FBXL20: variants seen among roughly 807,000 people sequenced by gnomAD.
FBXL20 encodes the protein F-box and leucine rich repeat protein 20, also known as F-box/LRR-repeat protein 20.
Under a neutral mutation model 64.0 loss-of-function variants are expected in FBXL20, and 11 were observed. The ratio of observed to expected loss-of-function variants is 0.17; its 90% CI spans 0.11 to 0.28. The LOEUF (loss-of-function observed/expected upper bound fraction) is 0.28. Ranked by LOEUF, FBXL20 falls within the 10% of genes least tolerant of loss-of-function variation. The probability of loss-of-function intolerance (pLI) is 1.00; values close to 1 mark genes in which losing one functional copy is unlikely to be tolerated. For synonymous variants in FBXL20, 184 were observed against 189.0 expected (o/e 0.97, Z 0.22); for missense variants, 303 against 526.2 (o/e 0.58, Z 4.15).
intron 2 of FBXL20, among the ~76,000 whole-genome samples, chr17:39,339,808 T>C (rs774296860): frequency 5.9e-5 from 9 of 151,794 alleles, no homozygotes; most frequent in Non-Finnish European, 1.2e-4. Flanking sequence ...CACACCTGGC[T>C]AATTTTTTTT....
At chr17:39,350,280 T>C (rs182073146) in intron 1 of FBXL20, among the ~76,000 whole-genome samples, 1 of 152,136 alleles carries the variant, frequency 6.6e-6, no homozygotes, top group Admixed American at 6.5e-5. Flanking sequence ...CACCTGAGGC[T>C]GGGAGATCGA....
chr17:39,306,051 G>A (rs147738266), intron 2 of FBXL20, among the ~76,000 whole-genome samples: 1 of 152,064 alleles, frequency 6.6e-6, no homozygotes, highest in African/African-American at 2.4e-5. Flanking sequence ...TGTAGTTCCA[G>A]CTACTTGGGA....
intron 2 of FBXL20, among the ~76,000 whole-genome samples, chr17:39,325,696 G>A (rs1328163306): frequency 6.6e-6 from 1 of 152,132 alleles, no homozygotes; most frequent in Non-Finnish European, 1.5e-5. Context: ...CATAAATTCT[G>A]TTCAAATTAC....
chr17:39,354,258 C>T (rs2047715047), intron 1 of FBXL20, among the ~76,000 whole-genome samples: 1 of 152,040 alleles, frequency 6.6e-6, no homozygotes, highest in Non-Finnish European at 1.5e-5. Context: ...AGATAGTATC[C>T]CTGAGGACCA....
chr17:39,378,549 G>A (rs13340960), intron 1 of FBXL20, among the ~76,000 whole-genome samples: 3,910 of 151,868 alleles, frequency 0.026, 161 homozygotes, highest in African/African-American at 0.088. Flanking sequence ...TCATTCATTA[G>A]ACAATTACAA....
At chr17:39,296,288 C>A (rs558110604) in intron 6 of FBXL20, among the ~76,000 whole-genome samples, 1 of 152,008 alleles carries the variant, frequency 6.6e-6, no homozygotes, top group Non-Finnish European at 1.5e-5. Flanking sequence ...AGGCCAGGCG[C>A]GGTGGCTCAT....
rs1443233857 is a variant in FBXL20, at chr17:39,253,402, C to T, written c.*8058G>A. On this transcript the variant is annotated 3_prime_UTR_variant, in exon 15 of 15. Transcript: ENST00000264658. ...AGGAGGAGGCCAGAGTAGGAAGCAT[C>T]TGAAGGCCAAGTCATAAAACAGGAA... is the stretch of plus-strand genomic sequence containing the variant. 6.6e-6 allele frequency: 1 copy of T among 152,386 alleles called. No homozygotes were observed. The highest frequency in any genetic ancestry group is 1.5e-5 in the Non-Finnish European group (1 of 68,090). 9.4% of individuals were successfully genotyped at this position (152,386 alleles called of 1,614,324 possible). A position where few individuals can be genotyped will look rare whatever the true frequency, so the allele number is the denominator to read the frequency against.
chr17:39,372,805 A>G (rs1336280929), intron 1 of FBXL20, among the ~76,000 whole-genome samples: 2 of 151,450 alleles, frequency 1.3e-5, no homozygotes, highest in Admixed American at 6.6e-5. Context: ...TTTTGTATTT[A>G]GTAGAGATGG....
At chr17:39,323,803 C>T (rs1306075958) in intron 2 of FBXL20, among the ~76,000 whole-genome samples, 2 of 148,362 alleles carry the variant, frequency 1.3e-5, no homozygotes, top group East Asian at 2.0e-4. Context: ...AGATGGGTCT[C>T]GCTCTGTCGC....
intron 2 of FBXL20, among the ~76,000 whole-genome samples, chr17:39,324,023 C>A (rs55938401): frequency 0.099 from 13,702 of 138,938 alleles, 881 homozygotes; most frequent in African/African-American, 0.15. Flanking sequence ...CTCCCCCCCC[C>A]ACCCCCTGGC....
At chr17:39,362,932 T>A (rs1331552000) in intron 1 of FBXL20, among the ~76,000 whole-genome samples, 1 of 151,202 alleles carries the variant, frequency 6.6e-6, no homozygotes, top group East Asian at 2.0e-4. Flanking sequence ...AAACTTTTCT[T>A]AATGAAACAC....
chr17:39,319,859 A>G (rs1189936121), intron 2 of FBXL20, among the ~76,000 whole-genome samples: 1 of 151,894 alleles, frequency 6.6e-6, no homozygotes, highest in African/African-American at 2.4e-5. Flanking sequence ...CAATCCTCCC[A>G]CGCCAACTTC....
At position 39,389,663 on chromosome 17, in the gene FBXL20, A is replaced by T. The variant is rs145548570; in HGVS notation, c.42+11698T>A. Among the ~76,000 whole-genome samples the T allele has an allele frequency of 1.0e-2, 1,519 of 152,006 alleles. 12 individuals are homozygous for T. Among genetic ancestry groups the T allele is most frequent in the East Asian group, 0.028 (141 of 5,096 alleles). ...GAAACCCTGTCTCTACTAAAAATAC[A>T]AAAAATTAGCCAGGTGTGGTGGCAG... On this transcript the variant is annotated intron_variant, in intron 1 of 14. Coordinates refer to ENST00000264658, the MANE Select transcript of FBXL20 (RefSeq NM_032875.3).
intron 9 of FBXL20, among the ~76,000 whole-genome samples, chr17:39,277,266 A>C (rs1467436004): frequency 6.6e-6 from 1 of 152,206 alleles, no homozygotes; most frequent in Non-Finnish European, 1.5e-5. Context: ...CACAAACATG[A>C]TGTATTGTCT....
intron 7 of FBXL20, among the ~76,000 whole-genome samples, chr17:39,283,444 T>G (rs1349663165): frequency 1.3e-5 from 2 of 149,364 alleles, no homozygotes; most frequent in African/African-American, 4.9e-5. Context: ...TTTTCTTTCT[T>G]TTTTTTTTTG....
intron 6 of FBXL20, among the ~76,000 whole-genome samples, chr17:39,289,070 T>C (rs2047013939): frequency 6.6e-6 from 1 of 152,170 alleles, no homozygotes; most frequent in African/African-American, 2.4e-5. Flanking sequence ...CTTGTCTATG[T>C]GTGGGCTCCT....
intron 9 of FBXL20, among the ~76,000 whole-genome samples, chr17:39,278,335 G>A (rs537117122): frequency 6.6e-6 from 1 of 152,070 alleles, no homozygotes; most frequent in East Asian, 1.9e-4. Flanking sequence ...TAGTAGAGAT[G>A]GGGTTTCACC....
At position 39,307,361 on chromosome 17, in the gene FBXL20, TATTTG is replaced by T. The variant is rs540916832; in HGVS notation, c.105-3727_105-3723del. On this transcript the variant is annotated intron_variant, in intron 2 of 14. Coordinates refer to ENST00000264658, the MANE Select transcript of FBXL20 (RefSeq NM_032875.3). ...AAGGAAAGCCTCCCCTAGGAGTAGG[TATTTG>T]ATTTAAGATCTAAATGATCAAAGGA... is the stretch of plus-strand genomic sequence containing the variant. Among the ~76,000 whole-genome samples the T allele has an allele frequency of 7.2e-5, 11 of 152,306 alleles. No homozygotes were observed. The South Asian group carries it at 2.1e-3, about 29-fold the overall frequency.
At chr17:39,316,944 G>C (rs2047298878) in intron 2 of FBXL20, among the ~76,000 whole-genome samples, 1 of 152,220 alleles carries the variant, frequency 6.6e-6, no homozygotes, top group South Asian at 2.1e-4. Flanking sequence ...AGCGGAGATT[G>C]CGCCACTGTG....
Sources: allele counts gnomAD v4.1 joint callset (sites outside exome capture counted in the v4.1 genomes callset), GRCh38; gene constraint gnomAD v4.1.1; transcripts MANE v1.5; gene names NCBI Gene and HGNC (gene_info 2026-07-23, HGNC 2026-07-21).